The following CLDN16 variants were observed in gnomAD, a reference collection of about 807,000 sequenced individuals.
The protein encoded by CLDN16 is claudin 16.
Under a neutral mutation model 24.6 loss-of-function variants are expected in CLDN16, and 13 were observed. The observed-to-expected ratio is 0.53, with a 90% CI of 0.34 to 0.84. The LOEUF is 0.84. Among genes scored for constraint, CLDN16 ranks in the 40% least tolerant of loss-of-function variants. The pLI is 0.01. For missense variants in CLDN16, 298 were observed against 292.7 expected, an observed-to-expected ratio of 1.02 and a Z score of -0.13; for synonymous variants, 116 against 106.7, an observed-to-expected ratio of 1.09 and a Z score of -0.54.
At chr3:190,299,204 G>A in the CLDN16 span, among the ~76,000 whole-genome samples, 302 of 152,184 alleles carry the variant, frequency 2.0e-3, 1 homozygote, top group Non-Finnish European at 3.1e-3. Flanking sequence ...ATAAGATTGA[G>A]CATATTTTCA....
At chr3:190,405,426 C>CG (rs1241778185) in intron 3 of CLDN16, among the ~76,000 whole-genome samples, 3 of 64,336 alleles carry the variant, frequency 4.7e-5, no homozygotes, top group Non-Finnish European at 7.9e-5. Flanking sequence ...CTCCGTCTCA[C>CG]GGAAAAAAAA....
chr3:190,318,270 G>T (rs1312647270), upstream of CLDN16, among the ~76,000 whole-genome samples: 4 of 152,144 alleles, frequency 2.6e-5, no homozygotes, highest in Admixed American at 1.3e-4. Context: ...GTTTCTTCAA[G>T]AAATTTTCTC....
At chr3:190,391,332 C>T (rs1215484726) in intron 1 of CLDN16, among the ~76,000 whole-genome samples, 1 of 151,254 alleles carries the variant, frequency 6.6e-6, no homozygotes, top group Non-Finnish European at 1.5e-5. Flanking sequence ...GATGCTACTC[C>T]TACTAGAAGA....
intron 2 of CLDN16, among the ~76,000 whole-genome samples, chr3:190,372,605 C>T (rs1267825904): frequency 1.3e-5 from 2 of 151,958 alleles, no homozygotes; most frequent in Non-Finnish European, 2.9e-5. Context: ...GAATGTCCTA[C>T]TACCCTCCAG....
At chr3:190,347,236 T>C (rs549083659) in intron 1 of CLDN16, among the ~76,000 whole-genome samples, 17 of 152,318 alleles carry the variant, frequency 1.1e-4, no homozygotes, top group African/African-American at 4.1e-4. Flanking sequence ...ATAAATATTT[T>C]TAGAGTAGAC....
upstream of CLDN16, chr3:190,322,294 G>A: frequency 1.7e-6 from 2 of 1,184,052 alleles, no homozygotes; most frequent in Non-Finnish European, 2.5e-6. Flanking sequence ...TCCCGAAGGT[G>A]GCTGGGCCCC....
the CLDN16 span, among the ~76,000 whole-genome samples, chr3:190,299,057 C>G: frequency 6.6e-6 from 1 of 152,096 alleles, no homozygotes; most frequent in Non-Finnish European, 1.5e-5. Context: ...CAATTGGTGA[C>G]CATCATTAAT....
At chr3:190,368,462 T>C (rs1049794556) in intron 1 of CLDN16, among the ~76,000 whole-genome samples, 1 of 151,952 alleles carries the variant, frequency 6.6e-6, no homozygotes, top group Non-Finnish European at 1.5e-5. Context: ...AAATGATCCA[T>C]AGAAATGTTT....
intron 1 of CLDN16, among the ~76,000 whole-genome samples, chr3:190,351,377 A>G (rs1428941822): frequency 6.6e-6 from 1 of 152,018 alleles, no homozygotes; most frequent in Non-Finnish European, 1.5e-5. Context: ...TATTTTCTTC[A>G]GCATAAGTGC....
In CLDN16 at chr3:190,352,163, A is replaced by G. The variant is rs188404650; in HGVS notation, n.122-18730A>G. ...AAAGTTTTTTTTTTTTTAAAAAAAGACAAATAAATTAGTAAAACAATAAAA... is the reference window on the plus strand; with the variant it reads ...AAAGTTTTTTTTTTTTTAAAAAAAGGCAAATAAATTAGTAAAACAATAAAA... On this transcript the variant is annotated intron_variant and non_coding_transcript_variant, in intron 1 of 4. Transcript: ENST00000468220. 8.0e-4 allele frequency among the ~76,000 whole-genome samples: 122 copies of G among 151,896 alleles called. 1 individual carries two copies. Among genetic ancestry groups the G allele is most frequent in the African/African-American group, 2.8e-3 (118 of 41,512 alleles).
rs937234543 is a variant in CLDN16, at chr3:190,342,870, T to C, written n.121+20209T>C. ...GCCATAAAACTCCTGGAAAAAAACA[T>C]AGGGGAAAAACTCCTTGACATTGGC... On this transcript the variant is annotated intron_variant and non_coding_transcript_variant, in intron 1 of 4. Transcript: ENST00000468220. 3.3e-5 allele frequency among the ~76,000 whole-genome samples: 5 copies of C among 152,176 alleles called. 1 individual carries two copies. Among genetic ancestry groups the C allele is most frequent in the East Asian group, 1.9e-4 (1 of 5,190 alleles).
At chr3:190,296,888 T>A in the CLDN16 span, among the ~76,000 whole-genome samples, 27 of 152,248 alleles carry the variant, frequency 1.8e-4, no homozygotes, top group African/African-American at 6.5e-4. Flanking sequence ...CTTGGAGGAT[T>A]GTGAACAGTA....
intron 1 of CLDN16, among the ~76,000 whole-genome samples, chr3:190,330,013 A>G (rs1717148748): frequency 6.6e-6 from 1 of 152,004 alleles, no homozygotes; most frequent in African/African-American, 2.4e-5. Context: ...CTATTGAAAT[A>G]TTGTAGAAGA....
intron 1 of CLDN16, among the ~76,000 whole-genome samples, chr3:190,367,213 C>G (rs549833391): frequency 1.3e-5 from 2 of 151,804 alleles, no homozygotes; most frequent in African/African-American, 2.4e-5. Context: ...CTGATAACTC[C>G]GAAGGTTTGT....
the CLDN16 span, chr3:190,307,083 A>G: frequency 2.6e-5 from 4 of 152,650 alleles, no homozygotes; most frequent in African/African-American, 9.6e-5. Context: ...AATATAAACT[A>G]ATTAATATTC....
At chr3:190,408,226 C>A in intron 3 of CLDN16, 88 bp from the exon 4 acceptor site, 1 of 1,297,856 alleles carries the variant, frequency 7.7e-7, no homozygotes, top group Non-Finnish European at 1.1e-6. Context: ...CTGAATCACG[C>A]CAGCCATTTT....
At chr3:190,399,192 T>C (rs1718897360) in intron 1 of CLDN16, among the ~76,000 whole-genome samples, 1 of 152,124 alleles carries the variant, frequency 6.6e-6, no homozygotes. Context: ...TTAAAATGGA[T>C]TTGGAATTCT....
the CLDN16 span, among the ~76,000 whole-genome samples, chr3:190,312,026 G>T: frequency 6.6e-6 from 1 of 151,368 alleles, no homozygotes; most frequent in Non-Finnish European, 1.5e-5. Context: ...CGGCTCCCGA[G>T]TTGAGGTGAT....
intron 1 of CLDN16, among the ~76,000 whole-genome samples, chr3:190,332,955 A>G (rs977319892): frequency 6.6e-6 from 1 of 152,172 alleles, no homozygotes; most frequent in African/African-American, 2.4e-5. Context: ...AACTGACATT[A>G]ATTATTAGTC....
Sources: allele counts gnomAD v4.1 joint callset (sites outside exome capture counted in the v4.1 genomes callset), GRCh38; gene constraint gnomAD v4.1.1; transcripts MANE v1.5; gene names NCBI Gene and HGNC (gene_info 2026-07-23, HGNC 2026-07-21).